NTN1: variants seen among roughly 807,000 people sequenced by gnomAD.
The protein encoded by NTN1 is netrin-1.
A neutral mutation model predicts 54.2 loss-of-function variants in NTN1; 11 were observed. The observed-to-expected ratio is 0.20, with a 90% CI of 0.13 to 0.34. NTN1 has a LOEUF of 0.34. NTN1 is among the 10% of genes least tolerant of loss of function. The pLI is 1.00. For synonymous variants in NTN1, 371 were observed against 382.0 expected (o/e 0.97, Z 0.33); for missense variants, 740 against 893.1 (o/e 0.83, Z 2.18).
intron 5 of NTN1, among the ~76,000 whole-genome samples, chr17:9,208,147 G>A (rs1166500351): frequency 1.3e-5 from 2 of 152,182 alleles, no homozygotes; most frequent in African/African-American, 2.4e-5. Context: ...CAGAAGAATC[G>A]CTTGAACCTG....
chr17:9,231,842 G>A (rs879768369), intron 6 of NTN1, among the ~76,000 whole-genome samples: 4 of 152,240 alleles, frequency 2.6e-5, no homozygotes, highest in Non-Finnish European at 5.9e-5. Context: ...AAGGGAGGCT[G>A]GCTTTCTCAC....
intron 2 of NTN1, among the ~76,000 whole-genome samples, chr17:9,096,300 A>T (rs2092131676): frequency 7.4e-6 from 1 of 135,386 alleles, no homozygotes; most frequent in Non-Finnish European, 1.6e-5. Context: ...ACTGGCTTTT[A>T]TGTATTTATT....
rs533234222 is a variant in NTN1, at chr17:9,165,304, A to G, written c.1207+2303A>G. Among the ~76,000 whole-genome samples the G allele has an allele frequency of 6.6e-6, 1 of 152,186 alleles. No individual in the cohort carries two copies. Among genetic ancestry groups the G allele is most frequent in the South Asian group, 2.1e-4 (1 of 4,824 alleles). On this transcript the variant is annotated intron_variant, in intron 3 of 6. Transcript: ENST00000173229. This position sits in a 1 kb window ranked among gnomAD's most constrained non-coding sequence, Gnocchi z 4.5. ...GGACAAGAGCCATTTGCAGCCTCTC[A>G]CCACTCAGAGTGAGAGACGTCAGGA...
At chr17:9,076,123 C>G (rs1334089424) in intron 2 of NTN1, among the ~76,000 whole-genome samples, 1 of 152,194 alleles carries the variant, frequency 6.6e-6, no homozygotes, top group Non-Finnish European at 1.5e-5. Flanking sequence ...AACCTGACCC[C>G]TGTGGAAGAC....
chr17:9,162,802 T>C lies in NTN1; in HGVS notation c.1019-11T>C. ...CCTGCGGCTGACACCTCTCTCTGTC[T>C]CCCCCTGCAGCCTGTAACTGCAACC... On this transcript the variant is annotated splice_polypyrimidine_tract_variant and intron_variant, in intron 2 of 6. Coordinates refer to ENST00000173229, the MANE Select transcript of NTN1 (RefSeq NM_004822.3). 2 of 1,597,714 alleles carry C rather than the reference T, an allele frequency of 1.3e-6. No homozygotes were observed. Among genetic ancestry groups the C allele is most frequent in the East Asian group, 2.3e-5 (1 of 44,356 alleles).
At chr17:9,154,564 TCC>T (rs2142291773) in intron 2 of NTN1, among the ~76,000 whole-genome samples, 1 of 152,232 alleles carries the variant, frequency 6.6e-6, no homozygotes, top group Admixed American at 6.5e-5. Context: ...CTCAGAATGA[TCC>T]CCAGGTGTGG....
intron 2 of NTN1, among the ~76,000 whole-genome samples, chr17:9,051,795 G>T (rs768029476): frequency 6.6e-6 from 1 of 152,050 alleles, no homozygotes; most frequent in African/African-American, 2.4e-5. Flanking sequence ...TGTTCATCCT[G>T]TCTAACTGAG....
intron 3 of NTN1, among the ~76,000 whole-genome samples, chr17:9,172,336 T>C (rs2092389214): frequency 1.3e-5 from 2 of 151,646 alleles, no homozygotes; most frequent in African/African-American, 4.8e-5. Context: ...AAAAATTAGC[T>C]GGGCGTGGTG....
At chr17:9,206,813 A>G (rs1484322406) in intron 5 of NTN1, among the ~76,000 whole-genome samples, 1 of 152,238 alleles carries the variant, frequency 6.6e-6, no homozygotes, top group Non-Finnish European at 1.5e-5. Context: ...AAGCCCTTCA[A>G]ACCTCCCTGG....
intron 2 of NTN1, among the ~76,000 whole-genome samples, chr17:9,107,358 T>A (rs571993212): frequency 6.6e-6 from 1 of 152,364 alleles, no homozygotes; most frequent in Admixed American, 6.5e-5. Context: ...GAGAAAAGAA[T>A]CTTAGATGCT....
chr17:9,098,249 A>G (rs1245803808), intron 2 of NTN1, among the ~76,000 whole-genome samples: 3 of 152,002 alleles, frequency 2.0e-5, no homozygotes, highest in African/African-American at 4.8e-5. Flanking sequence ...TTTGTTACCT[A>G]TTTATTCTCA....
At chr17:9,059,738 T>C (rs1324880970) in intron 2 of NTN1, among the ~76,000 whole-genome samples, 1 of 151,764 alleles carries the variant, frequency 6.6e-6, no homozygotes, top group African/African-American at 2.4e-5. Context: ...ACAGAGGTGA[T>C]GGTTGTACAG....
At chr17:9,118,554 G>A (rs1403181525) in intron 2 of NTN1, among the ~76,000 whole-genome samples, 2 of 152,148 alleles carry the variant, frequency 1.3e-5, no homozygotes, top group Non-Finnish European at 2.9e-5. Context: ...GTGGTTTTCA[G>A]TATATTCAGA....
intron 5 of NTN1, among the ~76,000 whole-genome samples, chr17:9,203,046 C>T (rs1158259849): frequency 2.6e-5 from 4 of 152,154 alleles, no homozygotes; most frequent in African/African-American, 9.7e-5. Flanking sequence ...CTCAGCCTCC[C>T]GAGTAGCTGG....
chr17:9,228,314 G>C (rs1905668969), intron 6 of NTN1, among the ~76,000 whole-genome samples: 1 of 152,238 alleles, frequency 6.6e-6, no homozygotes, highest in Admixed American at 6.5e-5. Context: ...CAAGAAGCTA[G>C]GCATAGCACG....
intron 2 of NTN1, among the ~76,000 whole-genome samples, chr17:9,096,516 G>GC: frequency 6.6e-6 from 1 of 151,666 alleles, no homozygotes; most frequent in Non-Finnish European, 1.5e-5. Context: ...GAGTACAGGT[G>GC]CCCGCCACCA....
chr17:9,154,443 G>A (rs903958966), intron 2 of NTN1, among the ~76,000 whole-genome samples: 2 of 151,580 alleles, frequency 1.3e-5, no homozygotes, highest in Non-Finnish European at 3.0e-5. Context: ...ATGTATGATC[G>A]TTTCTCTTAT....
intron 2 of NTN1, among the ~76,000 whole-genome samples, chr17:9,126,089 G>A (rs2092246236): frequency 4.6e-5 from 7 of 152,252 alleles, no homozygotes; most frequent in Admixed American, 4.6e-4. Context: ...GACGCATGGG[G>A]TGGAGACAAG....
intron 6 of NTN1, among the ~76,000 whole-genome samples, chr17:9,227,449 TACAC>T (rs367773218): frequency 7.1e-6 from 1 of 140,620 alleles, no homozygotes; most frequent in Non-Finnish European, 1.5e-5. Context: ...ACACATCAGA[TACAC>T]AGACTGTCAC....
Sources: gnomAD v4.1 joint callset for allele counts (sites outside exome capture counted in the v4.1 genomes callset) on GRCh38, gnomAD v4.1.1 for gene constraint, Gnocchi (gnomAD v3.1) non-coding constraint, MANE v1.5 for transcripts, NCBI Gene and HGNC (gene_info 2026-07-23, HGNC 2026-07-21) for gene names.